Variants in IFTAP observed in about 807,000 individuals in gnomAD.
IFTAP encodes the protein intraflagellar transport-associated protein.
Under a neutral mutation model 19.4 loss-of-function variants are expected in IFTAP, and 19 were observed. That is an observed-to-expected ratio of 0.98 (90% CI 0.68 to 1.44). The LOEUF (loss-of-function observed/expected upper bound fraction) is 1.44, where lower values mean the gene tolerates loss of function less well. IFTAP is among the 40% of genes most tolerant of loss of function. IFTAP has a pLI of 0.00. For synonymous variants in IFTAP, 85 were observed against 83.5 expected, an observed-to-expected ratio of 1.02 and a Z score of -0.10; for missense variants, 240 against 253.6, an observed-to-expected ratio of 0.95 and a Z score of 0.36.
At chr11:36,654,096 T>C (rs551960495) in intron 5 of IFTAP, among the ~76,000 whole-genome samples, 3 of 152,172 alleles carry the variant, frequency 2.0e-5, no homozygotes. Flanking sequence ...TCATCCAGAA[T>C]TGAAAAGCTA....
At chr11:36,653,300 A>G (rs1397566473) in intron 5 of IFTAP, among the ~76,000 whole-genome samples, 3 of 152,130 alleles carry the variant, frequency 2.0e-5, no homozygotes, top group South Asian at 2.1e-4. Context: ...AAGTTTTCCA[A>G]TAGTGTACAA....
At chr11:36,645,479 A>G (rs941485262) in intron 4 of IFTAP, among the ~76,000 whole-genome samples, 1 of 152,120 alleles carries the variant, frequency 6.6e-6, no homozygotes, top group Non-Finnish European at 1.5e-5. Context: ...CACCTATATG[A>G]TCAGATTAAG....
At chr11:36,623,043 T>G (rs1852366996) in intron 2 of IFTAP, among the ~76,000 whole-genome samples, 2 of 152,286 alleles carry the variant, frequency 1.3e-5, no homozygotes, top group South Asian at 2.1e-4. Context: ...AAGTATCAGA[T>G]TCTTCTTTTT....
intron 2 of IFTAP, among the ~76,000 whole-genome samples, chr11:36,613,477 A>C (rs1851947667): frequency 6.6e-6 from 1 of 152,074 alleles, no homozygotes; most frequent in African/African-American, 2.4e-5. Context: ...AAAAGTAAAT[A>C]AAATATAGTT....
At chr11:36,654,893 C>T (rs1370220836) in intron 5 of IFTAP, among the ~76,000 whole-genome samples, 1 of 152,148 alleles carries the variant, frequency 6.6e-6, no homozygotes, top group Non-Finnish European at 1.5e-5. Context: ...CTTCTGGCTC[C>T]AGGCTTATCC....
intron 1 of IFTAP, among the ~76,000 whole-genome samples, chr11:36,597,207 T>C (rs1707540527): frequency 6.6e-6 from 1 of 152,224 alleles, no homozygotes; most frequent in Non-Finnish European, 1.5e-5. Flanking sequence ...TTTGAAATTT[T>C]GCTTTATCAA....
intron 4 of IFTAP, among the ~76,000 whole-genome samples, chr11:36,646,845 T>G (rs532060409): frequency 1.3e-5 from 2 of 152,264 alleles, no homozygotes; most frequent in African/African-American, 4.8e-5. Flanking sequence ...CTATTATTAT[T>G]GTTTTTATTT....
chr11:36,614,428 A>T (rs1331500706), intron 2 of IFTAP, among the ~76,000 whole-genome samples: 5 of 148,464 alleles, frequency 3.4e-5, no homozygotes, highest in Admixed American at 6.7e-5. Context: ...CTTTGGGTAT[A>T]TACCCAGTAA....
chr11:36,657,083 C>G (rs1391961451), intron 5 of IFTAP, among the ~76,000 whole-genome samples: 1 of 151,976 alleles, frequency 6.6e-6, no homozygotes. Flanking sequence ...TGATGAAAGG[C>G]CTTTACCCAG....
chr11:36,604,407 G>T (rs1471453705), intron 1 of IFTAP, among the ~76,000 whole-genome samples: 2 of 152,146 alleles, frequency 1.3e-5, no homozygotes, highest in Non-Finnish European at 2.9e-5. Flanking sequence ...TGCTAGAATT[G>T]TATGTTTTTT....
At chr11:36,603,722 G>T (rs113495861) in intron 1 of IFTAP, among the ~76,000 whole-genome samples, 1,945 of 152,170 alleles carry the variant, frequency 0.013, 39 homozygotes, top group African/African-American at 0.044. Flanking sequence ...AGGTGTTTGA[G>T]ACCAGCCTGG....
At chr11:36,640,471 G>A (rs963040187) in intron 4 of IFTAP, among the ~76,000 whole-genome samples, 2 of 152,136 alleles carry the variant, frequency 1.3e-5, no homozygotes, top group African/African-American at 4.8e-5. Flanking sequence ...GTTACATACT[G>A]AAATACAGTG....
Position 36,622,549 on chromosome 11 carries a change from C to G in IFTAP, c.137-10735C>G, listed in dbSNP as rs114947946. Among the ~76,000 whole-genome samples the G allele has an allele frequency of 2.0e-3, 302 of 152,170 alleles. 1 individual carries two copies. The highest frequency in any genetic ancestry group is 6.7e-3 in the African/African-American group (277 of 41,554). ...GGATTCAGAAGACCTGGGTACTAGT[C>G]CAGGCATATACTAATTTCTTAAGAC... On this transcript the variant is annotated intron_variant, in intron 2 of 5. Transcript: ENST00000334307.
intron 1 of IFTAP, among the ~76,000 whole-genome samples, chr11:36,595,854 C>T (rs1410164751): frequency 6.6e-6 from 1 of 152,192 alleles, no homozygotes. Flanking sequence ...TGAGAAGGGG[C>T]TTTAGGATAT....
intron 4 of IFTAP, among the ~76,000 whole-genome samples, chr11:36,645,300 A>G (rs894784729): frequency 6.6e-6 from 1 of 152,160 alleles, no homozygotes; most frequent in East Asian, 1.9e-4. Flanking sequence ...TACTTTTTAA[A>G]TAGTAGAATT....
chr11:36,619,023 G>A (rs936405146), intron 2 of IFTAP, among the ~76,000 whole-genome samples: 9 of 151,970 alleles, frequency 5.9e-5, no homozygotes, highest in African/African-American at 2.2e-4. Flanking sequence ...AAGAGTCAAG[G>A]AAGAGTCACA....
intron 4 of IFTAP, among the ~76,000 whole-genome samples, chr11:36,644,993 T>TATA (rs149070033): frequency 0.036 from 5,414 of 150,284 alleles, 240 homozygotes; most frequent in African/African-American, 0.11. Flanking sequence ...GAATTTAAAG[T>TATA]ATAATAATAA....
In IFTAP at chr11:36,595,644, T is replaced by C. The variant is rs181864627; in HGVS notation, c.-24+1052T>C. 7.9e-5 allele frequency among the ~76,000 whole-genome samples: 12 copies of C among 152,380 alleles called. No homozygotes were observed. In the East Asian group the frequency reaches 2.1e-3, roughly 27 times the overall value. ...GTAACCTCTGTGTGCCTCAGTTTCC[T>C]CATCTGAAAACTGAGATAATAATTT... is the stretch of plus-strand genomic sequence containing the variant. On this transcript the variant is annotated intron_variant, in intron 1 of 5. Transcript: ENST00000334307.
chr11:36,625,248 A>G (rs1852466535), intron 2 of IFTAP, among the ~76,000 whole-genome samples: 1 of 152,136 alleles, frequency 6.6e-6, no homozygotes, highest in South Asian at 2.1e-4. Flanking sequence ...AAAATATATA[A>G]AATGCACATA....
Sources: allele counts gnomAD v4.1 joint callset (sites outside exome capture counted in the v4.1 genomes callset), GRCh38; gene constraint gnomAD v4.1.1; transcripts MANE v1.5; gene names NCBI Gene and HGNC (gene_info 2026-07-23, HGNC 2026-07-21).